The following NSFL1C variants were observed in gnomAD, a reference collection of about 807,000 sequenced individuals.
NSFL1C encodes NSFL1 cofactor, also known as NSFL1 cofactor p47.
A neutral mutation model predicts 43.1 loss-of-function variants in NSFL1C; 14 were observed. The observed-to-expected ratio is 0.32, with a 90% CI of 0.21 to 0.51. NSFL1C has a LOEUF of 0.51. Among genes scored for constraint, NSFL1C ranks in the 20% least tolerant of loss-of-function variants. The pLI is 0.98. For missense variants in NSFL1C, 406 were observed against 472.5 expected, an observed-to-expected ratio of 0.86 and a Z score of 1.30; for synonymous variants, 171 against 183.5, an observed-to-expected ratio of 0.93 and a Z score of 0.55.
chr20:1,465,959 CAATA>C (rs2122975910), intron 1 of NSFL1C, among the ~76,000 whole-genome samples: 2 of 152,294 alleles, frequency 1.3e-5, no homozygotes, highest in South Asian at 4.1e-4. Context: ...GGTAGGTACT[CAATA>C]AATATTAGTC....
At chr20:1,449,539 C>A (rs1021484565) in intron 7 of NSFL1C, among the ~76,000 whole-genome samples, 1 of 152,212 alleles carries the variant, frequency 6.6e-6, no homozygotes, top group Non-Finnish European at 1.5e-5. Context: ...AGCTGGCCTG[C>A]CAGCTCTTCC....
chr20:1,446,514 C>A (rs2090063008), intron 7 of NSFL1C, among the ~76,000 whole-genome samples: 1 of 152,174 alleles, frequency 6.6e-6, no homozygotes, highest in Non-Finnish European at 1.5e-5. Context: ...GATTTCATAT[C>A]TCAGAATCAC....
In NSFL1C at chr20:1,455,245, G is replaced by T; in HGVS notation, c.279-113C>A. ...AAAGGGTACAATGCTTGTCTTTAAA[G>T]AATTTACTGGCTAGTTGGGAACACA... On this transcript the variant is annotated intron_variant, in intron 3 of 8. Transcript: ENST00000216879. 3 of 1,219,016 alleles carry T rather than the reference G, an allele frequency of 2.5e-6. No homozygotes were observed. In the South Asian group the frequency reaches 3.6e-5, roughly 15 times the overall value. 75.5% of individuals were successfully genotyped at this position (1,219,016 alleles called of 1,614,324 possible). A position where few individuals can be genotyped will look rare whatever the true frequency, so the allele number is the denominator to read the frequency against.
intron 3 of NSFL1C, chr20:1,457,809 C>G (rs1379385672): frequency 1.2e-5 from 2 of 172,928 alleles, no homozygotes; most frequent in Non-Finnish European, 2.5e-5. Flanking sequence ...ACCACATTTG[C>G]TTTATCCATT....
chr20:1,464,523 T>TA, intron 1 of NSFL1C, 97 bp from the exon 2 acceptor site: 3 of 963,592 alleles, frequency 3.1e-6, no homozygotes, highest in South Asian at 1.5e-5. Flanking sequence ...GGCCAACACT[T>TA]ACAAGGTAGC....
At position 1,442,684 on chromosome 20, in the gene NSFL1C, T is replaced by TGTGAC. The variant is rs1431243566; in HGVS notation, c.*1064_*1065insGTCAC. 6.6e-6 allele frequency: 1 copy of TGTGAC among 152,124 alleles called. No homozygotes were observed. The highest frequency in any genetic ancestry group is 1.5e-5 in the Non-Finnish European group (1 of 68,030). The allele number at this position is 152,124 out of a possible 1,614,324, so 9.4% of individuals were successfully genotyped here. On this transcript the variant is annotated 3_prime_UTR_variant, in exon 9 of 9. Coordinates refer to ENST00000216879, the MANE Select transcript of NSFL1C (RefSeq NM_016143.5). ...TTTCTGCAAGTCACAAGTCAGCAGG[T>TGTGAC]CAAAGAACAAGTGTGAAGCAGAACC...
chr20:1,465,919 G>C (rs1320208228), intron 1 of NSFL1C, among the ~76,000 whole-genome samples: 1 of 152,188 alleles, frequency 6.6e-6, no homozygotes, highest in African/African-American at 2.4e-5. Context: ...CAAAAGACAT[G>C]TAAAGCAGTC....
rs1422317584 is a variant in NSFL1C at position 1,443,027 on chromosome 20, C to G, written c.*722G>C. 6.6e-6 allele frequency: 1 copy of G among 152,188 alleles called. No homozygotes were observed. The highest frequency in any genetic ancestry group is 1.9e-4 in the East Asian group (1 of 5,202). The allele number at this position is 152,188 out of a possible 1,614,324, so 9.4% of individuals were successfully genotyped here. On this transcript the variant is annotated 3_prime_UTR_variant, in exon 9 of 9. Transcript: ENST00000216879. ...GGAGTAAATCAAGCCATAATGGAGC[C>G]CCTGAGAATCCCCAGGAGGCGAGCA... is the stretch of plus-strand genomic sequence containing the variant.
chr20:1,454,068 T>C, intron 5 of NSFL1C, 145 bp downstream of exon 5: 1 of 650,856 alleles, frequency 1.5e-6, no homozygotes, highest in South Asian at 1.9e-5. Context: ...GTAAGCGTCT[T>C]TGTTCGTGAA....
chr20:1,457,626 A>T (rs543038134), intron 3 of NSFL1C, among the ~76,000 whole-genome samples: 2 of 152,054 alleles, frequency 1.3e-5, no homozygotes, highest in African/African-American at 4.8e-5. Context: ...CTGTAACCAC[A>T]CTCTGTCGAT....
At chr20:1,458,756 A>G (rs1263678499) in intron 2 of NSFL1C, among the ~76,000 whole-genome samples, 1 of 152,194 alleles carries the variant, frequency 6.6e-6, no homozygotes, top group Non-Finnish European at 1.5e-5. Context: ...GGGTTGGTGT[A>G]GCATTATAGG....
chr20:1,449,401 AAG>A (rs2090138336), intron 7 of NSFL1C, among the ~76,000 whole-genome samples: 1 of 152,186 alleles, frequency 6.6e-6, no homozygotes, highest in Non-Finnish European at 1.5e-5. Flanking sequence ...TGGGGAGTGG[AAG>A]AGGAGGGGAA....
At chr20:1,452,715 T>C in intron 6 of NSFL1C, 85 bp from the exon 7 acceptor site, 2 of 1,539,532 alleles carry the variant, frequency 1.3e-6, no homozygotes, top group South Asian at 1.2e-5. Flanking sequence ...AACCTCTCAG[T>C]CCCGTGGTGA....
At chr20:1,451,829 G>C (rs998698147) in intron 7 of NSFL1C, among the ~76,000 whole-genome samples, 2 of 152,224 alleles carry the variant, frequency 1.3e-5, no homozygotes, top group Non-Finnish European at 2.9e-5. Flanking sequence ...AGAGGGTACA[G>C]GAGTGAGAAG....
At chr20:1,455,666 C>T (rs1481725460) in intron 3 of NSFL1C, 1 of 779,718 alleles carries the variant, frequency 1.3e-6, no homozygotes, top group Admixed American at 1.7e-5. Context: ...CTGTGACTCA[C>T]TTTCCTTGTC....
At chr20:1,445,965 C>T (rs530393213) in intron 7 of NSFL1C, 135 bp from the exon 8 acceptor site, 6 of 968,110 alleles carry the variant, frequency 6.2e-6, no homozygotes, top group Non-Finnish European at 9.3e-6. Flanking sequence ...TTGACCCAGA[C>T]AGGGAAAATC....
intron 1 of NSFL1C, 65 bp from the exon 2 acceptor site, chr20:1,464,491 G>C: frequency 7.6e-7 from 1 of 1,320,048 alleles, no homozygotes; most frequent in Non-Finnish European, 1.1e-6. Context: ...CATCTCCTTT[G>C]AGCACAAAGG....
intron 7 of NSFL1C, chr20:1,446,141 C>A: frequency 2.1e-6 from 1 of 478,826 alleles, no homozygotes; most frequent in Non-Finnish European, 3.9e-6. Flanking sequence ...GGGAGGAAAG[C>A]AGGACAGCCT....
chr20:1,460,762 T>C (rs1701366466), intron 2 of NSFL1C, among the ~76,000 whole-genome samples: 1 of 152,244 alleles, frequency 6.6e-6, no homozygotes, highest in Non-Finnish European at 1.5e-5. Context: ...TAACAATGTT[T>C]GTTTAATTTC....
Sources: gnomAD v4.1 joint callset for allele counts (sites outside exome capture counted in the v4.1 genomes callset) on GRCh38, gnomAD v4.1.1 for gene constraint, MANE v1.5 for transcripts, NCBI Gene and HGNC (gene_info 2026-07-23, HGNC 2026-07-21) for gene names.